MGST1: variants seen among roughly 807,000 people sequenced by gnomAD.
MGST1 encodes the protein microsomal glutathione S-transferase 1.
A neutral mutation model predicts 8.9 loss-of-function variants in MGST1; 5 were observed. The observed-to-expected ratio is 0.56, with a 90% CI of 0.29 to 1.19. The LOEUF is 1.19. MGST1 is among the 50% of genes most tolerant of loss of function. The probability of loss-of-function intolerance (pLI) is 0.08; values close to 1 mark genes in which losing one functional copy is unlikely to be tolerated. For missense variants in MGST1, 182 were observed against 187.4 expected (o/e 0.97, Z 0.17); for synonymous variants, 54 against 67.8 (o/e 0.80, Z 1.00).
chr12:16,525,415 T>G (rs1278770806), intron 4 of MGST1, among the ~76,000 whole-genome samples: 1 of 151,572 alleles, frequency 6.6e-6, no homozygotes, highest in Non-Finnish European at 1.5e-5. Flanking sequence ...GTTCTTGCGA[T>G]AGTTTACTGA....
At chr12:16,347,579 G>A (rs2136891945), upstream of MGST1, 1 of 152,394 alleles carries the variant, frequency 6.6e-6, no homozygotes, top group Admixed American at 6.5e-5. This position sits in a 1 kb window ranked among gnomAD's most constrained non-coding sequence, Gnocchi z 4.0. Context: ...CTTTAAACGT[G>A]GGAGGGCTAA....
chr12:16,405,133 A>C (rs1191884364), intron 1 of MGST1, among the ~76,000 whole-genome samples: 2 of 152,198 alleles, frequency 1.3e-5, no homozygotes, highest in East Asian at 3.8e-4. Context: ...TAGAGAACCA[A>C]TGGCAAACCA....
intron 4 of MGST1, among the ~76,000 whole-genome samples, chr12:16,489,573 C>T (rs1257937997): frequency 6.6e-5 from 10 of 152,072 alleles, no homozygotes; most frequent in Non-Finnish European, 1.5e-4. Context: ...CTCCTTATTT[C>T]CATTATTCAT....
intron 4 of MGST1, among the ~76,000 whole-genome samples, chr12:16,538,138 T>C (rs770147736): frequency 1.3e-5 from 2 of 152,148 alleles, no homozygotes; most frequent in Non-Finnish European, 2.9e-5. Flanking sequence ...ATACCCTAAA[T>C]TATCTCTCTC....
At chr12:16,436,974 T>A (rs1379657558) in intron 1 of MGST1, among the ~76,000 whole-genome samples, 1 of 151,960 alleles carries the variant, frequency 6.6e-6, no homozygotes. Context: ...TTCTGGCCAT[T>A]TATATAGCCA....
exon 4 of MGST1, chr12:16,376,875 G>A (rs1940389518): frequency 6.6e-6 from 1 of 151,892 alleles, no homozygotes; most frequent in Non-Finnish European, 1.5e-5. Flanking sequence ...ATAAAGTAAG[G>A]TTAGCATGAA....
chr12:16,386,856 G>A (rs763765807), intron 1 of MGST1, among the ~76,000 whole-genome samples: 1 of 152,108 alleles, frequency 6.6e-6, no homozygotes, highest in Non-Finnish European at 1.5e-5. Context: ...AACTCCATCC[G>A]GCCTGGGATG....
rs1943338063 is a variant in MGST1 at position 16,586,810 on chromosome 12, C to T, written n.483-2718C>T. ...TTTTGTAACCTTTCTCCCAAAGGAA[C>T]ATGTAAGCCATACACAGTTGGCATC... On this transcript the variant is annotated intron_variant and non_coding_transcript_variant, in intron 4 of 4. Coordinates refer to the MGST1 transcript ENST00000538857. This position sits in a 1 kb window ranked among gnomAD's most constrained non-coding sequence, Gnocchi z 4.3. Among the ~76,000 whole-genome samples, 1 of 152,158 alleles carries T rather than the reference C, an allele frequency of 6.6e-6. No homozygotes were observed. Among genetic ancestry groups the T allele is most frequent in the African/African-American group, 2.4e-5 (1 of 41,440 alleles).
intron 4 of MGST1, among the ~76,000 whole-genome samples, chr12:16,493,694 G>A (rs1941453445): frequency 6.6e-6 from 1 of 152,106 alleles, no homozygotes; most frequent in South Asian, 2.1e-4. Context: ...GAGACTCCAG[G>A]AGTATCTGTT....
intron 1 of MGST1, among the ~76,000 whole-genome samples, chr12:16,415,891 T>C (rs1408328530): frequency 6.6e-6 from 1 of 152,182 alleles, no homozygotes; most frequent in Admixed American, 6.5e-5. Context: ...ACATCAGTAG[T>C]AGAAAAATTA....
At chr12:16,486,328 C>T (rs187378300) in intron 4 of MGST1, among the ~76,000 whole-genome samples, 22 of 152,230 alleles carry the variant, frequency 1.4e-4, no homozygotes, top group Admixed American at 1.4e-3. Context: ...GAAGAATGCT[C>T]AGCTATTAAT....
chr12:16,552,008 G>T (rs146900690), intron 4 of MGST1, among the ~76,000 whole-genome samples: 75 of 152,054 alleles, frequency 4.9e-4, no homozygotes, highest in Non-Finnish European at 9.6e-4. Context: ...TAACCTAAAT[G>T]AACTACTTAA....
chr12:16,411,036 C>T (rs1434838368), intron 1 of MGST1, among the ~76,000 whole-genome samples: 2 of 152,166 alleles, frequency 1.3e-5, no homozygotes, highest in Non-Finnish European at 2.9e-5. Flanking sequence ...TTAGCTCTTC[C>T]TCTGTTCAAC....
chr12:16,442,387 G>C (rs542874058), downstream of MGST1, among the ~76,000 whole-genome samples: 123 of 151,824 alleles, frequency 8.1e-4, no homozygotes, highest in African/African-American at 2.8e-3. The surrounding 1 kb of genome is among the most constrained non-coding windows in gnomAD (Gnocchi z 4.5). Flanking sequence ...ATGTCATCAC[G>C]ATACCCAAGG....
At chr12:16,420,351 C>G (rs575279868) in intron 1 of MGST1, among the ~76,000 whole-genome samples, 2 of 152,130 alleles carry the variant, frequency 1.3e-5, no homozygotes, top group Non-Finnish European at 2.9e-5. Context: ...CTAAGAAAAA[C>G]ACACATTACT....
chr12:16,533,956 A>G (rs1014248340), intron 4 of MGST1, among the ~76,000 whole-genome samples: 4 of 152,148 alleles, frequency 2.6e-5, no homozygotes, highest in Non-Finnish European at 5.9e-5. Context: ...GCATCATAGA[A>G]CATGGCTATT....
chr12:16,393,546 C>G (rs1486304274), intron 1 of MGST1, among the ~76,000 whole-genome samples: 6 of 152,174 alleles, frequency 3.9e-5, no homozygotes, highest in Admixed American at 1.3e-4. Flanking sequence ...ATTGTTTCAT[C>G]AAACTCAAGG....
intron 1 of MGST1, among the ~76,000 whole-genome samples, chr12:16,391,846 A>G (rs757373097): frequency 1.3e-5 from 2 of 152,204 alleles, no homozygotes; most frequent in Non-Finnish European, 2.9e-5. Context: ...GGTATTGCCT[A>G]GGTTGTCTTC....
chr12:16,573,168 C>G (rs1305746518), intron 4 of MGST1, among the ~76,000 whole-genome samples: 2 of 151,784 alleles, frequency 1.3e-5, no homozygotes, highest in Non-Finnish European at 2.9e-5. Context: ...ATTCCAATGT[C>G]TATTCATAAG....
Sources: gnomAD v4.1 joint callset for allele counts (sites outside exome capture counted in the v4.1 genomes callset) on GRCh38, gnomAD v4.1.1 for gene constraint, Gnocchi (gnomAD v3.1) non-coding constraint, MANE v1.5 for transcripts, NCBI Gene and HGNC (gene_info 2026-07-23, HGNC 2026-07-21) for gene names.